SETBP1: variants seen among roughly 807,000 people sequenced by gnomAD.
SETBP1 encodes the protein SET-binding protein.
In SETBP1, 9 loss-of-function variants were observed where a neutral mutation model predicts 101.0. The ratio of observed to expected loss-of-function variants is 0.09; its 90% CI spans 0.05 to 0.16. The LOEUF (loss-of-function observed/expected upper bound fraction) is 0.16, where lower values mean the gene tolerates loss of function less well. Ranked by LOEUF, SETBP1 falls within the 10% of genes least tolerant of loss-of-function variation. The pLI is 1.00. For synonymous variants in SETBP1, 818 were observed against 788.5 expected (o/e 1.04, Z -0.63); for missense variants, 1,858 against 2,033.8 (o/e 0.91, Z 1.66).
chr18:45,020,258 TAAAAA>T (rs57134217), intron 4 of SETBP1, among the ~76,000 whole-genome samples: 5 of 53,082 alleles, frequency 9.4e-5, no homozygotes, highest in South Asian at 7.5e-4. Context: ...GACTCTGTCT[TAAAAA>T]AAAAAAAAAA....
intron 4 of SETBP1, among the ~76,000 whole-genome samples, chr18:44,973,088 G>C (rs568031737): frequency 2.6e-4 from 40 of 151,796 alleles, no homozygotes; most frequent in African/African-American, 5.4e-4. Flanking sequence ...TAGCATAAAG[G>C]GTAGTTGAAT....
At chr18:44,904,984 G>A (rs372142991) in intron 3 of SETBP1, among the ~76,000 whole-genome samples, 1 of 152,280 alleles carries the variant, frequency 6.6e-6, no homozygotes, top group Non-Finnish European at 1.5e-5. Context: ...ACTCCAGAAA[G>A]AAATGGATTT....
intron 3 of SETBP1, among the ~76,000 whole-genome samples, chr18:44,912,997 G>C (rs1219030033): frequency 6.6e-6 from 1 of 152,096 alleles, no homozygotes; most frequent in African/African-American, 2.4e-5. Flanking sequence ...TCCAGCTTTG[G>C]CTTTTATCCC....
At chr18:44,976,850 A>T (rs1268470236) in intron 4 of SETBP1, among the ~76,000 whole-genome samples, 1 of 152,228 alleles carries the variant, frequency 6.6e-6, no homozygotes, top group Non-Finnish European at 1.5e-5. Context: ...CCTGGCATAT[A>T]GGAAGTGCTC....
At chr18:44,919,241 A>C (rs570591075) in intron 3 of SETBP1, among the ~76,000 whole-genome samples, 36 of 152,318 alleles carry the variant, frequency 2.4e-4, no homozygotes, top group Admixed American at 3.9e-4. Context: ...CTGCAGGTAG[A>C]AACTATTTAG....
chr18:44,923,170 CAT>C (rs548800727), intron 3 of SETBP1, among the ~76,000 whole-genome samples: 18,557 of 152,266 alleles, frequency 0.12, 1,382 homozygotes, highest in East Asian at 0.32. Flanking sequence ...TTTGAGGAAA[CAT>C]AGAGAGATGA....
At chr18:44,900,298 G>A (rs2070012360) in intron 3 of SETBP1, among the ~76,000 whole-genome samples, 1 of 152,154 alleles carries the variant, frequency 6.6e-6, no homozygotes, top group African/African-American at 2.4e-5. Context: ...CTGATGCATG[G>A]CCCAAGTTTG....
At chr18:44,846,114 TC>T (rs1216684501) in intron 2 of SETBP1, among the ~76,000 whole-genome samples, 2 of 152,148 alleles carry the variant, frequency 1.3e-5, no homozygotes, top group African/African-American at 4.8e-5. Context: ...GGCTGCAGTC[TC>T]TCCTCTCAGA....
intron 2 of SETBP1, among the ~76,000 whole-genome samples, chr18:44,790,093 A>C (rs561785681): frequency 6.6e-6 from 1 of 152,158 alleles, no homozygotes; most frequent in Non-Finnish European, 1.5e-5. Context: ...CAGTTCTGTG[A>C]TCCCTGCAGG....
intron 4 of SETBP1, among the ~76,000 whole-genome samples, chr18:44,970,915 G>A (rs1326250569): frequency 6.6e-6 from 1 of 151,464 alleles, no homozygotes; most frequent in Non-Finnish European, 1.5e-5. Context: ...TGTGCACAAC[G>A]TGCAGGTTTG....
At chr18:44,861,261 C>T (rs1439881243) in intron 2 of SETBP1, among the ~76,000 whole-genome samples, 17 of 91,280 alleles carry the variant, frequency 1.9e-4, no homozygotes, top group African/African-American at 7.1e-4. Flanking sequence ...TTTTTTGAGA[C>T]GGAATCTTGC....
In SETBP1 at chr18:44,701,303, C is replaced by T. The variant is rs955045574; in HGVS notation, c.-44C>T. 16 of 1,452,160 alleles carry T rather than the reference C, an allele frequency of 1.1e-5. No homozygotes were observed. In the Admixed American group the frequency reaches 2.9e-4, roughly 26 times the overall value. The allele number at this position is 1,452,160 out of a possible 1,614,324, so 90.0% of individuals were successfully genotyped here. A position where few individuals can be genotyped will look rare whatever the true frequency, so the allele number is the denominator to read the frequency against. On this transcript the variant is annotated 5_prime_UTR_variant, in exon 2 of 6. Coordinates refer to ENST00000649279, the MANE Select transcript of SETBP1 (RefSeq NM_015559.3). ...TTCTCACCTTTCCCTTTTCCCTTTT[C>T]CCCTTCCCCCTCCTGAGAACTCCGG...
intron 3 of SETBP1, among the ~76,000 whole-genome samples, chr18:44,948,286 A>G (rs928334684): frequency 6.6e-6 from 1 of 152,202 alleles, no homozygotes; most frequent in Non-Finnish European, 1.5e-5. Flanking sequence ...ACAGGATTTC[A>G]CAAAATCAGA....
At chr18:44,896,777 C>T (rs146059663) in intron 3 of SETBP1, among the ~76,000 whole-genome samples, 6 of 152,252 alleles carry the variant, frequency 3.9e-5, no homozygotes, top group African/African-American at 1.4e-4. Flanking sequence ...AATTTTGACT[C>T]TTCAGGCTAA....
chr18:44,813,922 G>A (rs1163616478), intron 2 of SETBP1, among the ~76,000 whole-genome samples: 1 of 152,162 alleles, frequency 6.6e-6, no homozygotes, highest in Non-Finnish European at 1.5e-5. Flanking sequence ...GAGTGCTGGA[G>A]GCCCTGTCTG....
chr18:44,684,442 A>T (rs556424644), intron 1 of SETBP1, among the ~76,000 whole-genome samples: 2 of 152,096 alleles, frequency 1.3e-5, no homozygotes, highest in South Asian at 2.1e-4. Flanking sequence ...TTAGATTTTG[A>T]TGCCCCCCTG....
At chr18:45,042,351 T>C (rs916043713) in intron 5 of SETBP1, among the ~76,000 whole-genome samples, 7 of 152,104 alleles carry the variant, frequency 4.6e-5, no homozygotes, top group Non-Finnish European at 1.0e-4. Flanking sequence ...GGTTTCACCG[T>C]GTTGGCCAGG....
chr18:44,763,220 G>A (rs1208130238), intron 2 of SETBP1, among the ~76,000 whole-genome samples: 2 of 152,178 alleles, frequency 1.3e-5, no homozygotes, highest in Non-Finnish European at 2.9e-5. Flanking sequence ...TACAGAGGCT[G>A]GAGTAAATAG....
chr18:44,751,553 ATTG>A (rs1263177535), intron 2 of SETBP1, among the ~76,000 whole-genome samples: 2 of 149,994 alleles, frequency 1.3e-5, no homozygotes, highest in East Asian at 1.9e-4. Flanking sequence ...TGCAGGTTTT[ATTG>A]TTATTTGATT....
Sources: gnomAD v4.1 joint callset for allele counts (sites outside exome capture counted in the v4.1 genomes callset) on GRCh38, gnomAD v4.1.1 for gene constraint, MANE v1.5 for transcripts, NCBI Gene and HGNC (gene_info 2026-07-23, HGNC 2026-07-21) for gene names.